CNTNAP2: variants seen among roughly 807,000 people sequenced by gnomAD.
CNTNAP2 encodes the protein contactin associated protein 2.
CNTNAP2 carries 98 observed loss-of-function variants against 155.2 expected under a neutral mutation model. The observed-to-expected ratio is 0.63, with a 90% confidence interval of 0.54 to 0.75. The LOEUF (loss-of-function observed/expected upper bound fraction) is 0.75, where lower values mean the gene tolerates loss of function less well. Ranked by LOEUF, CNTNAP2 falls within the 30% of genes least tolerant of loss-of-function variation. CNTNAP2 has a pLI of 0.00. For missense variants in CNTNAP2, 1,727 were observed against 1,688.1 expected, an observed-to-expected ratio of 1.02 and a Z score of -0.40; for synonymous variants, 651 against 631.2, an observed-to-expected ratio of 1.03 and a Z score of -0.47.
At chr7:146,640,959 T>C (rs946859860) in intron 1 of CNTNAP2, among the ~76,000 whole-genome samples, 2 of 152,222 alleles carry the variant, frequency 1.3e-5, no homozygotes, top group East Asian at 1.9e-4. Context: ...AGGGAGAAAA[T>C]GCCTAAAATG....
rs1015568730 is a variant in CNTNAP2 at position 147,500,440 on chromosome 7, G to T, written c.1777+14399G>T. Among the ~76,000 whole-genome samples the T allele has an allele frequency of 2.8e-4, 43 of 151,670 alleles. 1 individual carries two copies. Among genetic ancestry groups the T allele is most frequent in the African/African-American group, 9.0e-4 (37 of 41,272 alleles). On this transcript the variant is annotated intron_variant, in intron 11 of 23. Transcript: ENST00000361727. ...ATTCCTGGAGGTATACCTCATATAAGTCCCTTTATGTCATCAGCAACCCTA... is the reference window on the plus strand; with the variant it reads ...ATTCCTGGAGGTATACCTCATATAATTCCCTTTATGTCATCAGCAACCCTA...
intron 8 of CNTNAP2, among the ~76,000 whole-genome samples, chr7:147,182,350 T>C (rs1237016515): frequency 2.0e-5 from 3 of 152,104 alleles, no homozygotes; most frequent in African/African-American, 7.2e-5. Flanking sequence ...TTTGTTATTT[T>C]TTAAATTACT....
At chr7:146,820,154 G>T (rs1368114645) in intron 2 of CNTNAP2, among the ~76,000 whole-genome samples, 1 of 152,100 alleles carries the variant, frequency 6.6e-6, no homozygotes, top group Non-Finnish European at 1.5e-5. Context: ...CATAATATTT[G>T]GTCAGGGACC....
chr7:148,167,037 G>A (rs1339410612), intron 17 of CNTNAP2, among the ~76,000 whole-genome samples: 1 of 152,260 alleles, frequency 6.6e-6, no homozygotes, highest in Admixed American at 6.5e-5. Flanking sequence ...GACTACCTAA[G>A]CAAGAAAAGA....
chr7:147,631,445 A>G (rs1795083215), intron 12 of CNTNAP2, among the ~76,000 whole-genome samples: 3 of 152,224 alleles, frequency 2.0e-5, no homozygotes, highest in Non-Finnish European at 4.4e-5. Context: ...CCATCAAAGT[A>G]CCATCAATAT....
intron 3 of CNTNAP2, among the ~76,000 whole-genome samples, chr7:146,854,037 AAC>A (rs1412081733): frequency 6.6e-6 from 1 of 152,204 alleles, no homozygotes; most frequent in Non-Finnish European, 1.5e-5. Flanking sequence ...GAGAGAAAAC[AAC>A]AGAGTTTGCA....
chr7:147,183,334 T>A (rs142812590), intron 8 of CNTNAP2, among the ~76,000 whole-genome samples: 18 of 152,312 alleles, frequency 1.2e-4, no homozygotes, highest in African/African-American at 4.3e-4. Context: ...AAGAGATTAA[T>A]CATAAATAAG....
chr7:148,210,476 T>A (rs1795526247), intron 18 of CNTNAP2, among the ~76,000 whole-genome samples: 1 of 152,240 alleles, frequency 6.6e-6, no homozygotes, highest in African/African-American at 2.4e-5. Context: ...GTGGTGCTGC[T>A]CTTAAATTCC....
intron 15 of CNTNAP2, among the ~76,000 whole-genome samples, chr7:147,993,492 G>A (rs140644983): frequency 7.8e-4 from 119 of 152,308 alleles, no homozygotes; most frequent in Middle Eastern, 3.4e-3. Flanking sequence ...CTTGGCTTAT[G>A]CTGATAATCC....
intron 1 of CNTNAP2, among the ~76,000 whole-genome samples, chr7:146,681,659 TAACTA>T (rs77698510): frequency 0.7 from 102,993 of 147,548 alleles, 36,962 homozygotes; most frequent in South Asian, 0.86. Flanking sequence ...ATGGGAAAAA[TAACTA>T]AAAGTAATTG....
chr7:147,422,914 A>G (rs573635042), intron 10 of CNTNAP2, among the ~76,000 whole-genome samples: 13 of 152,298 alleles, frequency 8.5e-5, no homozygotes, highest in Admixed American at 2.6e-4. Context: ...ATAATTTTTT[A>G]TATATAACTT....
chr7:148,297,829 C>T (rs1405464151), intron 21 of CNTNAP2, among the ~76,000 whole-genome samples: 1 of 151,998 alleles, frequency 6.6e-6, no homozygotes, highest in African/African-American at 2.4e-5. Context: ...CTCTTCTTTG[C>T]CTTTCCCCAT....
chr7:148,292,653 T>C (rs1048363626), intron 21 of CNTNAP2, among the ~76,000 whole-genome samples: 2 of 152,192 alleles, frequency 1.3e-5, no homozygotes, highest in Non-Finnish European at 2.9e-5. Flanking sequence ...CTACCTTTCA[T>C]GAGACTCTTC....
At chr7:147,205,685 T>A (rs1319448981) in intron 8 of CNTNAP2, among the ~76,000 whole-genome samples, 15 of 146,718 alleles carry the variant, frequency 1.0e-4, no homozygotes, top group Admixed American at 8.1e-4. Flanking sequence ...AAAAATAAAA[T>A]TTTAAAAAAA....
chr7:148,031,820 C>T (rs1272003475), intron 15 of CNTNAP2, among the ~76,000 whole-genome samples: 1 of 152,086 alleles, frequency 6.6e-6, no homozygotes, highest in Admixed American at 6.6e-5. Context: ...AGTATTTTTA[C>T]CCTCGATTTA....
intron 11 of CNTNAP2, among the ~76,000 whole-genome samples, chr7:147,552,953 C>G (rs1799880121): frequency 6.6e-6 from 1 of 152,128 alleles, no homozygotes; most frequent in South Asian, 2.1e-4. Flanking sequence ...CAGGATAGGA[C>G]AGTCAAGAGG....
intron 1 of CNTNAP2, among the ~76,000 whole-genome samples, chr7:146,358,070 G>A (rs1353137284): frequency 6.6e-6 from 1 of 151,320 alleles, no homozygotes; most frequent in African/African-American, 2.4e-5. Context: ...AGCCTCGCTC[G>A]CTTGCCCAGG....
At chr7:147,848,276 C>T (rs1406719293) in intron 13 of CNTNAP2, among the ~76,000 whole-genome samples, 2 of 148,346 alleles carry the variant, frequency 1.3e-5, no homozygotes, top group Admixed American at 1.4e-4. Context: ...CCCTCTGAGC[C>T]AGGTGTGGGA....
At chr7:147,265,672 T>G (rs1336053245) in intron 8 of CNTNAP2, among the ~76,000 whole-genome samples, 3 of 152,178 alleles carry the variant, frequency 2.0e-5, no homozygotes, top group Non-Finnish European at 4.4e-5. Context: ...AGTGCTTTGT[T>G]AAATGGGTCC....
Sources: allele counts gnomAD v4.1 joint callset (sites outside exome capture counted in the v4.1 genomes callset), GRCh38; gene constraint gnomAD v4.1.1; transcripts MANE v1.5; gene names NCBI Gene and HGNC (gene_info 2026-07-23, HGNC 2026-07-21).